The following TCF7L1 variants were observed in gnomAD, a reference collection of about 807,000 sequenced individuals.
The protein encoded by TCF7L1 is transcription factor 7-like 1.
A neutral mutation model predicts 63.7 loss-of-function variants in TCF7L1; 18 were observed. That is an observed-to-expected ratio of 0.28 (90% CI 0.20 to 0.42). The LOEUF is 0.42. Among genes scored for constraint, TCF7L1 ranks in the 10% least tolerant of loss-of-function variants. TCF7L1 has a pLI of 1.00. For missense variants in TCF7L1, 654 were observed against 779.3 expected (o/e 0.84, Z 1.91); for synonymous variants, 355 against 340.9 (o/e 1.04, Z -0.46).
At chr2:85,278,482 A>AC (rs1365627553) in intron 3 of TCF7L1, among the ~76,000 whole-genome samples, 1 of 152,242 alleles carries the variant, frequency 6.6e-6, no homozygotes, top group Non-Finnish European at 1.5e-5. Context: ...AATAGGGCTT[A>AC]CCTGGGAAAT....
rs536167619 is a variant in TCF7L1, at chr2:85,302,285, C to T, written c.526-199C>T. Among the ~76,000 whole-genome samples, 11 of 152,248 alleles carry T rather than the reference C, an allele frequency of 7.2e-5. No homozygotes were observed. The East Asian group carries it at 2.1e-3, about 29-fold the overall frequency. On this transcript the variant is annotated intron_variant, in intron 4 of 11. Transcript: ENST00000282111. ...CCACACACAGTGCACGTGAGGGGAG[C>T]GATGGAGGGTGGGTGTGATCCCTTC... is the stretch of plus-strand genomic sequence containing the variant.
intron 3 of TCF7L1, among the ~76,000 whole-genome samples, chr2:85,192,726 G>A (rs935783035): frequency 6.7e-6 from 1 of 149,484 alleles, no homozygotes; most frequent in Non-Finnish European, 1.5e-5. Context: ...CTGCACTGAA[G>A]TGCAGTGGTG....
rs537332896 is a variant in TCF7L1, at chr2:85,157,902, TG to T, written c.441+23453del. 6.5e-4 allele frequency among the ~76,000 whole-genome samples: 99 copies of T among 152,276 alleles called. No individual in the cohort carries two copies. The South Asian group carries it at 0.02, about 30-fold the overall frequency. On this transcript the variant is annotated intron_variant, in intron 3 of 11. Coordinates refer to ENST00000282111, the MANE Select transcript of TCF7L1 (RefSeq NM_031283.3). The stretch of plus-strand genomic sequence containing the variant: ...TCCTTAAGGGAGGTCTCGGGGTTAA[TG>T]CGAGGTGAGGGGCAGTTAGTGGTAA...
chr2:85,308,369 CTCCCTCCCTTTCACCT>C lies in TCF7L1; in HGVS notation c.1334-651_1334-636del, dbSNP rs755638158. ...CATTCCTCCCTCCCTCCCTTTCTTCCTCCCTCCCTTTCACCTTCCCTCCCATTCTCCTTCCCTCCCT... is the reference window on the plus strand; with the variant it reads ...CATTCCTCCCTCCCTCCCTTTCTTCCTCCCTCCCATTCTCCTTCCCTCCCT... On this transcript the variant is annotated intron_variant, in intron 11 of 11. Transcript: ENST00000282111. 6.2e-3 allele frequency among the ~76,000 whole-genome samples: 893 copies of C among 145,172 alleles called. 5 individuals carry two copies. Among genetic ancestry groups the C allele is most frequent in the East Asian group, 0.013 (62 of 4,838 alleles).
chr2:85,285,176 T>C (rs936946824), intron 4 of TCF7L1, among the ~76,000 whole-genome samples: 1 of 151,636 alleles, frequency 6.6e-6, no homozygotes, highest in Non-Finnish European at 1.5e-5. Flanking sequence ...GAGCTGATAG[T>C]GAGCCGAGAT....
chr2:85,176,895 G>C (rs763771048), intron 3 of TCF7L1, among the ~76,000 whole-genome samples: 1 of 150,168 alleles, frequency 6.7e-6, no homozygotes, highest in Admixed American at 6.7e-5. Flanking sequence ...GCTGAGGCAG[G>C]AGAATCGCTT....
intron 3 of TCF7L1, among the ~76,000 whole-genome samples, chr2:85,159,703 A>G (rs1225999993): frequency 6.6e-6 from 1 of 152,230 alleles, no homozygotes; most frequent in Non-Finnish European, 1.5e-5. Flanking sequence ...GGCCTGTGGG[A>G]AGGCTTGCGC....
At chr2:85,202,873 G>T (rs912272046) in intron 3 of TCF7L1, among the ~76,000 whole-genome samples, 4 of 151,874 alleles carry the variant, frequency 2.6e-5, no homozygotes, top group African/African-American at 7.3e-5. Context: ...TCGCTCTTTC[G>T]CCCAGGCTGG....
At chr2:85,205,551 T>G (rs1443489701) in intron 3 of TCF7L1, among the ~76,000 whole-genome samples, 3 of 152,036 alleles carry the variant, frequency 2.0e-5, no homozygotes, top group Non-Finnish European at 2.9e-5. Context: ...TTTTTTTTTT[T>G]TCAATACAGA....
chr2:85,306,154 G>T lies in TCF7L1; in HGVS notation c.990-52G>T, dbSNP rs1168357410. 6.2e-7 allele frequency: 1 copy of T among 1,608,540 alleles called. No individual in the cohort carries two copies. The highest frequency in any genetic ancestry group is 2.2e-5 in the East Asian group (1 of 44,810). ...GGTGTTTCAGTGACAGGTGGGGATT[G>T]ATGAGTTGTGTGACACCTGACATGC... is the stretch of plus-strand genomic sequence containing the variant. On this transcript the variant is annotated intron_variant, in intron 8 of 11. Transcript: ENST00000282111. This position sits in a 1 kb window ranked among gnomAD's most constrained non-coding sequence, Gnocchi z 4.3.
Position 85,290,706 on chromosome 2 carries a change from C to T in TCF7L1, c.525+7128C>T, listed in dbSNP as rs191591043. ...ACCAAGGTGATGTATGTATATATAG[C>T]GAGTGAGTGAGTGAGTGTGAATGTG... On this transcript the variant is annotated intron_variant, in intron 4 of 11. Coordinates refer to ENST00000282111, the MANE Select transcript of TCF7L1 (RefSeq NM_031283.3). Among the ~76,000 whole-genome samples, 36 of 152,190 alleles carry T rather than the reference C, an allele frequency of 2.4e-4. No individual in the cohort carries two copies. In the East Asian group the frequency reaches 5.0e-3, roughly 21 times the overall value.
intron 3 of TCF7L1, among the ~76,000 whole-genome samples, chr2:85,238,780 TA>T (rs1380098064): frequency 0.023 from 11 of 480 alleles, no homozygotes; most frequent in East Asian, 0.1. Flanking sequence ...TGGAGCATTT[TA>T]TTTATTTATT....
intron 3 of TCF7L1, among the ~76,000 whole-genome samples, chr2:85,173,558 C>T (rs922248495): frequency 2.0e-5 from 3 of 152,106 alleles, no homozygotes; most frequent in African/African-American, 4.8e-5. Flanking sequence ...GCAGGGGAAT[C>T]GCAAATACAT....
chr2:85,153,479 C>CTA (rs1185532213), intron 3 of TCF7L1, among the ~76,000 whole-genome samples: 2 of 151,434 alleles, frequency 1.3e-5, no homozygotes, highest in Non-Finnish European at 2.9e-5. Flanking sequence ...GTAGCTGGGA[C>CTA]TATAGGTGCC....
chr2:85,302,912 C>T (rs1428569761), intron 5 of TCF7L1, among the ~76,000 whole-genome samples: 1 of 152,026 alleles, frequency 6.6e-6, no homozygotes, highest in Non-Finnish European at 1.5e-5. Flanking sequence ...TCTAGCCCAG[C>T]TGTGGGCCGT....
intron 4 of TCF7L1, among the ~76,000 whole-genome samples, chr2:85,293,598 C>T (rs1048750238): frequency 2.6e-5 from 4 of 152,038 alleles, no homozygotes; most frequent in Admixed American, 2.0e-4. Flanking sequence ...CAGACTAATA[C>T]GTAGGGGCAA....
Position 85,258,374 on chromosome 2 carries a change from G to A in TCF7L1, c.442-25121G>A, listed in dbSNP as rs112472531. On this transcript the variant is annotated intron_variant, in intron 3 of 11. Coordinates refer to ENST00000282111, the MANE Select transcript of TCF7L1 (RefSeq NM_031283.3). ...TTGAGAGCCTGCCTGACTCTTCCCT[G>A]GACGTGCACCAAGCCACTGGTGTGC... Among the ~76,000 whole-genome samples, 247 of 152,268 alleles carry A rather than the reference G, an allele frequency of 1.6e-3. 1 individual carries two copies. The highest frequency in any genetic ancestry group is 5.7e-3 in the African/African-American group (238 of 41,568).
rs143633334 is a variant in TCF7L1, at chr2:85,174,983, G to A, written c.441+40533G>A. Among the ~76,000 whole-genome samples the A allele has an allele frequency of 6.7e-3, 1,020 of 152,308 alleles. 12 individuals are homozygous for A. Among genetic ancestry groups the A allele is most frequent in the African/African-American group, 0.023 (959 of 41,554 alleles). On this transcript the variant is annotated intron_variant, in intron 3 of 11. Transcript: ENST00000282111. ...GTGTGGTTTTTTGTTTATGTGTGTGGTTTTGTGTCTTTGATATCGTTGATT... is the reference window on the plus strand; with the variant it reads ...GTGTGGTTTTTTGTTTATGTGTGTGATTTTGTGTCTTTGATATCGTTGATT...
chr2:85,291,619 C>T lies in TCF7L1; in HGVS notation c.525+8041C>T, dbSNP rs557869858. 9.2e-5 allele frequency among the ~76,000 whole-genome samples: 14 copies of T among 152,260 alleles called. No individual in the cohort carries two copies. In the South Asian group the frequency reaches 2.7e-3, roughly 29 times the overall value. On this transcript the variant is annotated intron_variant, in intron 4 of 11. Transcript: ENST00000282111. ...TTAGGACGGAGTTTCACTCTTGTCA[C>T]CCAAGCAGGAGTGCAATGGCACATG... is the stretch of plus-strand genomic sequence containing the variant.
Sources: allele counts gnomAD v4.1 joint callset (sites outside exome capture counted in the v4.1 genomes callset), GRCh38; gene constraint gnomAD v4.1.1; non-coding constraint Gnocchi (gnomAD v3.1); transcripts MANE v1.5; gene names NCBI Gene and HGNC (gene_info 2026-07-23, HGNC 2026-07-21).